Variants in KIAA1217 observed in about 807,000 individuals in gnomAD.
KIAA1217 encodes the protein KIAA1217.
KIAA1217 carries 88 observed loss-of-function variants against 163.9 expected under a neutral mutation model. The observed-to-expected ratio is 0.54, with a 90% CI of 0.45 to 0.64. The LOEUF is 0.64. Among genes scored for constraint, KIAA1217 ranks in the 30% least tolerant of loss-of-function variants. The pLI is 0.00. For missense variants in KIAA1217, 2,372 were observed against 2,475.0 expected (o/e 0.96, Z 0.88); for synonymous variants, 903 against 923.1 (o/e 0.98, Z 0.39).
rs571808011 is a variant in KIAA1217 at position 24,231,891 on chromosome 10, G to A, written c.354+11982G>A. 6.6e-4 allele frequency among the ~76,000 whole-genome samples: 99 copies of A among 150,932 alleles called. 1 individual carries two copies. The highest frequency in any genetic ancestry group is 1.3e-3 in the African/African-American group (55 of 41,046). On this transcript the variant is annotated intron_variant, in intron 2 of 20. Transcript: ENST00000376454. Reference sequence around the variant, plus strand: ...TCGGCTCACTGCAACCTCCACCTCCGGGGTTCAGCCTTCTGCCTCAGCCTC... The same window carrying A: ...TCGGCTCACTGCAACCTCCACCTCCAGGGTTCAGCCTTCTGCCTCAGCCTC...
intron 1 of KIAA1217, among the ~76,000 whole-genome samples, chr10:23,712,290 A>T (rs527502673): frequency 2.6e-5 from 4 of 152,152 alleles, no homozygotes; most frequent in South Asian, 4.2e-4. Flanking sequence ...CCTCACCTGC[A>T]TTCCCCTCAC....
At chr10:24,529,506 A>ATG (rs1037364156) in intron 14 of KIAA1217, among the ~76,000 whole-genome samples, 1 of 151,830 alleles carries the variant, frequency 6.6e-6, no homozygotes, top group Non-Finnish European at 1.5e-5. Flanking sequence ...ATATATATAT[A>ATG]TTTTTCCATC....
chr10:23,913,137 G>A (rs567484312), intron 1 of KIAA1217, among the ~76,000 whole-genome samples: 5 of 152,266 alleles, frequency 3.3e-5, no homozygotes, highest in Admixed American at 1.3e-4. Context: ...TTACAGTGAC[G>A]TGTGACAGCC....
chr10:24,163,652 C>T (rs1478284806), intron 2 of KIAA1217, among the ~76,000 whole-genome samples: 2 of 152,172 alleles, frequency 1.3e-5, no homozygotes, highest in Non-Finnish European at 2.9e-5. Context: ...AAGTGTAGTA[C>T]ACATATTCTA....
intron 2 of KIAA1217, among the ~76,000 whole-genome samples, chr10:24,080,861 C>T (rs1462697233): frequency 7.8e-5 from 11 of 141,092 alleles, no homozygotes; most frequent in East Asian, 3.9e-4. Context: ...TTAATCTTAA[C>T]GTTTGTCAAA....
chr10:24,101,411 G>T (rs2062410879), intron 2 of KIAA1217, among the ~76,000 whole-genome samples: 1 of 152,046 alleles, frequency 6.6e-6, no homozygotes, highest in Non-Finnish European at 1.5e-5. Context: ...TAAGTATTTG[G>T]ATTCCCTTTC....
At chr10:23,752,314 T>C (rs1484988300) in intron 1 of KIAA1217, among the ~76,000 whole-genome samples, 1 of 152,180 alleles carries the variant, frequency 6.6e-6, no homozygotes, top group Non-Finnish European at 1.5e-5. Flanking sequence ...TCCTGAGACA[T>C]TTACATTTTA....
chr10:24,121,791 A>G (rs1384079748), intron 2 of KIAA1217, among the ~76,000 whole-genome samples: 1 of 151,882 alleles, frequency 6.6e-6, no homozygotes, highest in East Asian at 1.9e-4. Flanking sequence ...GGTTACTAAC[A>G]TTTTCTTTGT....
At chr10:23,876,863 G>A (rs1840721640) in intron 1 of KIAA1217, among the ~76,000 whole-genome samples, 1 of 151,848 alleles carries the variant, frequency 6.6e-6, no homozygotes, top group South Asian at 2.1e-4. Flanking sequence ...TATATTTGAT[G>A]ACAACAATAA....
At chr10:23,709,310 G>C (rs1837082361) in intron 1 of KIAA1217, among the ~76,000 whole-genome samples, 1 of 152,100 alleles carries the variant, frequency 6.6e-6, no homozygotes, top group South Asian at 2.1e-4. Flanking sequence ...GATCACTTGA[G>C]TCTAGGTGTT....
At chr10:24,158,014 G>A (rs1217734434) in intron 2 of KIAA1217, 8 of 767,942 alleles carry the variant, frequency 1.0e-5, no homozygotes, top group Non-Finnish European at 1.7e-5. Flanking sequence ...TAGGAGTAGT[G>A]GAAATGAGAT....
chr10:24,461,427 TCAC>T (rs2062396461), intron 5 of KIAA1217, among the ~76,000 whole-genome samples: 1 of 152,196 alleles, frequency 6.6e-6, no homozygotes, highest in African/African-American at 2.4e-5. Context: ...TAATCTTGGC[TCAC>T]TGCAGCCTCC....
intron 5 of KIAA1217, among the ~76,000 whole-genome samples, chr10:24,457,775 G>C (rs61848143): frequency 0.2 from 29,642 of 151,944 alleles, 2,967 homozygotes; most frequent in East Asian, 0.26. Flanking sequence ...TCCTGTGTGG[G>C]AAGGAAGTCT....
chr10:23,847,524 A>G (rs754129819), intron 1 of KIAA1217, among the ~76,000 whole-genome samples: 47 of 152,228 alleles, frequency 3.1e-4, no homozygotes, highest in Admixed American at 6.5e-4. Flanking sequence ...AGAGGTGTTT[A>G]TAGTATTCTC....
At chr10:24,361,570 T>C (rs1023202016) in intron 2 of KIAA1217, among the ~76,000 whole-genome samples, 14 of 152,224 alleles carry the variant, frequency 9.2e-5, no homozygotes, top group South Asian at 2.1e-4. Context: ...TACTTCATCA[T>C]TGCATGTGGT....
chr10:24,104,309 CA>C (rs2131725877), intron 2 of KIAA1217, among the ~76,000 whole-genome samples: 1 of 152,178 alleles, frequency 6.6e-6, no homozygotes, highest in South Asian at 2.1e-4. Context: ...ATGGTATATC[CA>C]GACAATGAAC....
In KIAA1217 at chr10:24,090,129, G is replaced by A. The variant is rs556636600; in HGVS notation, c.-171+82755G>A. On this transcript the variant is annotated intron_variant, in intron 2 of 18. Transcript: ENST00000376462. ...CAGTTGCTGGAATTTAGTAGTCATGGAAGCTTTCTTTTTTCTTTCTTTCTT... is the reference window on the plus strand; with the variant it reads ...CAGTTGCTGGAATTTAGTAGTCATGAAAGCTTTCTTTTTTCTTTCTTTCTT... Among the ~76,000 whole-genome samples, 6 of 150,212 alleles carry A rather than the reference G, an allele frequency of 4.0e-5. No individual in the cohort carries two copies. The East Asian group carries it at 1.2e-3, about 29-fold the overall frequency.
chr10:24,065,927 A>G (rs148152072), intron 2 of KIAA1217, among the ~76,000 whole-genome samples: 2,614 of 152,000 alleles, frequency 0.017, 70 homozygotes, highest in African/African-American at 0.059. Flanking sequence ...GATCTTTGTT[A>G]GTTTAAAGTC....
intron 1 of KIAA1217, among the ~76,000 whole-genome samples, chr10:23,938,743 G>A (rs1843636794): frequency 6.6e-6 from 1 of 152,074 alleles, no homozygotes; most frequent in Non-Finnish European, 1.5e-5. Flanking sequence ...AGCATCCTCA[G>A]ATTTTGGTAC....
Sources: gnomAD v4.1 joint callset for allele counts (sites outside exome capture counted in the v4.1 genomes callset) on GRCh38, gnomAD v4.1.1 for gene constraint, MANE v1.5 for transcripts, NCBI Gene and HGNC (gene_info 2026-07-23, HGNC 2026-07-21) for gene names.